Variants in WWOX observed in about 807,000 individuals in gnomAD.
The protein encoded by WWOX is WW domain containing oxidoreductase.
Under a neutral mutation model 46.2 loss-of-function variants are expected in WWOX, and 69 were observed. The observed-to-expected ratio is 1.49, with a 90% CI of 1.23 to 1.82. The LOEUF (loss-of-function observed/expected upper bound fraction) is 1.82, where lower values mean the gene tolerates loss of function less well. Among genes scored for constraint, WWOX ranks in the 40% most tolerant of loss-of-function variants. The pLI, the probability that WWOX is intolerant of heterozygous loss-of-function variation, is 0.00. For missense variants in WWOX, 919 were observed against 542.6 expected, an observed-to-expected ratio of 1.69 and a Z score of -6.89; for synonymous variants, 359 against 202.6, an observed-to-expected ratio of 1.77 and a Z score of -6.56.
intron 8 of WWOX, among the ~76,000 whole-genome samples, chr16:78,981,325 G>A (rs111889369): frequency 2.6e-5 from 4 of 151,294 alleles, no homozygotes; most frequent in African/African-American, 7.3e-5. Context: ...AATGCTGGGT[G>A]GGGGGGGAAA....
chr16:78,390,443 T>C (rs1272699202), intron 6 of WWOX, among the ~76,000 whole-genome samples: 2 of 152,242 alleles, frequency 1.3e-5, no homozygotes, highest in Non-Finnish European at 1.5e-5. Context: ...CTTTGGAATT[T>C]TAGAAAGTAC....
chr16:78,131,501 C>T (rs983291529), intron 4 of WWOX, among the ~76,000 whole-genome samples: 5 of 152,132 alleles, frequency 3.3e-5, no homozygotes, highest in Non-Finnish European at 7.3e-5. Flanking sequence ...AGGTGTGAGC[C>T]ACCACATCTG....
Position 78,923,144 on chromosome 16 carries a change from G to C in WWOX, c.1057-288464G>C, listed in dbSNP as rs563385388. Reference sequence around the variant, plus strand: ...TTACAGGGATGTGCCACCATGCCAGGCTAATTTTGTATTTTTAGTAGAGAC... The same window carrying C: ...TTACAGGGATGTGCCACCATGCCAGCCTAATTTTGTATTTTTAGTAGAGAC... On this transcript the variant is annotated intron_variant, in intron 8 of 8. Coordinates refer to ENST00000566780, the MANE Select transcript of WWOX (RefSeq NM_016373.4). Among the ~76,000 whole-genome samples the C allele has an allele frequency of 2.0e-4, 31 of 151,948 alleles. 1 individual carries two copies. In the South Asian group the frequency reaches 6.4e-3, roughly 32 times the overall value.
rs143112992 is a variant in WWOX, at chr16:78,404,874, G to A, written c.605+17926G>A. ...TGAATGCAAAGGGCAGGAGAAAAAT[G>A]GAAACAACCAGAACTGTAACACCAA... On this transcript the variant is annotated intron_variant, in intron 6 of 8. Coordinates refer to ENST00000566780, the MANE Select transcript of WWOX (RefSeq NM_016373.4). Among the ~76,000 whole-genome samples the A allele has an allele frequency of 4.0e-3, 606 of 152,310 alleles. 6 individuals carry two copies. The highest frequency in any genetic ancestry group is 0.02 in the Middle Eastern group (6 of 294).
At chr16:78,920,592 G>C (rs1394507865) in intron 8 of WWOX, among the ~76,000 whole-genome samples, 1 of 152,082 alleles carries the variant, frequency 6.6e-6, no homozygotes, top group African/African-American at 2.4e-5. Flanking sequence ...GAGTGAAAAT[G>C]TTCCTAATTT....
intron 8 of WWOX, among the ~76,000 whole-genome samples, chr16:79,067,296 G>C (rs1014776315): frequency 1.3e-5 from 2 of 152,178 alleles, no homozygotes; most frequent in Non-Finnish European, 2.9e-5. Context: ...TAAAACCTTT[G>C]CAAGGTCCTG....
chr16:78,628,570 T>C (rs945462940), intron 8 of WWOX, among the ~76,000 whole-genome samples: 1 of 152,182 alleles, frequency 6.6e-6, no homozygotes, highest in African/African-American at 2.4e-5. Flanking sequence ...CATGCAAGGA[T>C]AATTACACAG....
chr16:78,384,886 A>G (rs1009554399), intron 5 of WWOX, among the ~76,000 whole-genome samples: 15 of 152,262 alleles, frequency 9.9e-5, no homozygotes, highest in Admixed American at 1.3e-4. Context: ...CTGTAATCCT[A>G]GCACTTTCGG....
intron 8 of WWOX, among the ~76,000 whole-genome samples, chr16:78,936,674 A>T (rs1262495459): frequency 6.6e-6 from 1 of 152,118 alleles, no homozygotes; most frequent in Admixed American, 6.5e-5. Flanking sequence ...TTTGGAAAGC[A>T]ACGTACCCTA....
chr16:78,628,612 A>G (rs192714094), intron 8 of WWOX, among the ~76,000 whole-genome samples: 194 of 151,710 alleles, frequency 1.3e-3, no homozygotes, highest in Non-Finnish European at 2.4e-3. Flanking sequence ...TGATGGATTT[A>G]TTCCAGCAAT....
chr16:78,824,116 A>G (rs2051582608), intron 8 of WWOX, among the ~76,000 whole-genome samples: 1 of 151,936 alleles, frequency 6.6e-6, no homozygotes, highest in African/African-American at 2.4e-5. Flanking sequence ...ATTGATTGAA[A>G]CCTTGAAATA....
At chr16:79,067,618 G>C (rs950268190) in intron 8 of WWOX, among the ~76,000 whole-genome samples, 1 of 124,812 alleles carries the variant, frequency 8.0e-6, no homozygotes, top group South Asian at 3.2e-4. Context: ...TAATTTGTGC[G>C]TGTGGGTGGG....
intron 5 of WWOX, among the ~76,000 whole-genome samples, chr16:78,200,049 A>C (rs374624653): frequency 6.6e-6 from 1 of 152,238 alleles, no homozygotes; most frequent in African/African-American, 2.4e-5. Context: ...CAAAAGCTGT[A>C]GGAATGGCAA....
At chr16:78,437,076 G>A (rs1192151010) in intron 8 of WWOX, among the ~76,000 whole-genome samples, 2 of 152,142 alleles carry the variant, frequency 1.3e-5, no homozygotes, top group Non-Finnish European at 1.5e-5. Context: ...CTTCTGACAC[G>A]GGTATTGCTG....
chr16:78,267,783 A>G (rs1351505059), intron 5 of WWOX, among the ~76,000 whole-genome samples: 2 of 148,848 alleles, frequency 1.3e-5, no homozygotes, highest in African/African-American at 2.5e-5. Flanking sequence ...TGATTGATTG[A>G]TTGTGAGGCA....
At chr16:78,617,788 T>C (rs2046064293) in intron 8 of WWOX, among the ~76,000 whole-genome samples, 2 of 152,166 alleles carry the variant, frequency 1.3e-5, no homozygotes, top group South Asian at 2.1e-4. Flanking sequence ...ACATGTTGCC[T>C]CCAGCATCCC....
At chr16:79,026,784 A>AAT (rs2047652536) in intron 8 of WWOX, among the ~76,000 whole-genome samples, 1 of 123,262 alleles carries the variant, frequency 8.1e-6, no homozygotes, top group African/African-American at 3.2e-5. Flanking sequence ...CGCCCGGCTA[A>AAT]TTTTTTTTTT....
At chr16:78,313,058 A>C (rs967704419) in intron 5 of WWOX, among the ~76,000 whole-genome samples, 32 of 152,326 alleles carry the variant, frequency 2.1e-4, no homozygotes, top group African/African-American at 7.5e-4. Context: ...TCCTGTTTTC[A>C]GATTACTTCT....
intron 8 of WWOX, among the ~76,000 whole-genome samples, chr16:78,679,202 C>T (rs563277743): frequency 3.2e-4 from 48 of 152,212 alleles, no homozygotes; most frequent in Middle Eastern, 3.4e-3. Flanking sequence ...ATTACAGGTG[C>T]CCGAGATCCT....
Sources: allele counts gnomAD v4.1 joint callset (sites outside exome capture counted in the v4.1 genomes callset), GRCh38; gene constraint gnomAD v4.1.1; transcripts MANE v1.5; gene names NCBI Gene and HGNC (gene_info 2026-07-23, HGNC 2026-07-21).